Variants in C7orf57 observed in about 807,000 individuals in gnomAD.
C7orf57 encodes chromosome 7 open reading frame 57, also known as uncharacterized protein C7orf57.
C7orf57 carries 33 observed loss-of-function variants against 39.0 expected under a neutral mutation model. The ratio of observed to expected loss-of-function variants is 0.85; its 90% CI spans 0.64 to 1.13. The LOEUF (loss-of-function observed/expected upper bound fraction) is 1.13. C7orf57 is among the 50% of genes most tolerant of loss of function. The pLI, the probability that C7orf57 is intolerant of heterozygous loss-of-function variation, is 0.00. For missense variants in C7orf57, 346 were observed against 362.3 expected (o/e 0.95, Z 0.37); for synonymous variants, 124 against 137.1 (o/e 0.90, Z 0.67).
At chr7:48,043,403 G>A (rs753179607) in intron 3 of C7orf57, 78 bp from the exon 4 acceptor site, 79 of 1,068,716 alleles carry the variant, frequency 7.4e-5, no homozygotes, top group Non-Finnish European at 1.0e-4. Context: ...CTTGTAAATT[G>A]AGCCTATCAC....
chr7:48,036,713 A>G (rs1790377729), intron 2 of C7orf57, among the ~76,000 whole-genome samples: 1 of 152,128 alleles, frequency 6.6e-6, no homozygotes, highest in Non-Finnish European at 1.5e-5. Flanking sequence ...CTGAATGTTG[A>G]CCTGGGAAGT....
At chr7:48,048,229 C>T (rs937369611) in intron 5 of C7orf57, among the ~76,000 whole-genome samples, 10 of 152,282 alleles carry the variant, frequency 6.6e-5, no homozygotes, top group East Asian at 1.9e-4. Flanking sequence ...AGCACCGCAT[C>T]GGGATGGGCT....
chr7:48,055,847 T>G (rs950104973), intron 8 of C7orf57, among the ~76,000 whole-genome samples: 1 of 152,200 alleles, frequency 6.6e-6, no homozygotes, highest in African/African-American at 2.4e-5. Flanking sequence ...ATACCACATT[T>G]TTTTTCCTTA....
intron 5 of C7orf57, among the ~76,000 whole-genome samples, chr7:48,048,120 G>A (rs1790769265): frequency 6.6e-6 from 1 of 152,202 alleles, no homozygotes; most frequent in East Asian, 1.9e-4. Flanking sequence ...CCTTCACTAT[G>A]GGGAAGGAGA....
intron 7 of C7orf57, among the ~76,000 whole-genome samples, chr7:48,053,946 G>A (rs1472205871): frequency 1.3e-5 from 2 of 152,206 alleles, no homozygotes; most frequent in Non-Finnish European, 2.9e-5. Context: ...TACCTCTTCA[G>A]ACATTTGAAG....
At chr7:48,057,144 A>G (rs1036120156) in intron 8 of C7orf57, among the ~76,000 whole-genome samples, 1 of 138,826 alleles carries the variant, frequency 7.2e-6, no homozygotes, top group Non-Finnish European at 1.6e-5. Flanking sequence ...TCTAGGATTT[A>G]TTTTCTATTT....
chr7:48,038,168 T>C (rs1790439327), intron 2 of C7orf57, among the ~76,000 whole-genome samples: 1 of 152,226 alleles, frequency 6.6e-6, no homozygotes, highest in Admixed American at 6.5e-5. Flanking sequence ...CTATTTAATG[T>C]CTTTTACATA....
chr7:48,037,821 G>A (rs2128789505), intron 2 of C7orf57, among the ~76,000 whole-genome samples: 1 of 151,630 alleles, frequency 6.6e-6, no homozygotes, highest in East Asian at 1.9e-4. Context: ...ACTGATCCAG[G>A]CCCTCATTCT....
chr7:48,058,267 T>G (rs1193583902), intron 8 of C7orf57, among the ~76,000 whole-genome samples: 7 of 152,126 alleles, frequency 4.6e-5, no homozygotes, highest in Admixed American at 3.3e-4. Context: ...TTGAGAAGGG[T>G]TAGTATGATT....
At position 48,043,516 on chromosome 7, in the gene C7orf57, G is replaced by T. The variant is rs1790613627; in HGVS notation, c.277G>T (p.Gly93Cys). The change falls in exon 4 of 9, where the codon GGC becomes TGC. Residue 93 changes from glycine (G) to cysteine (C), a missense_variant. Physicochemically the swap from Gly to Cys is radical, Grantham distance 159. Transcript: ENST00000348904. Reference sequence around the variant, plus strand: ...GCACTTTGCCCCTGGAACCAGGAAAGGCTCTCCAGTGGCCTACTCCCTGCC... The same window carrying T: ...GCACTTTGCCCCTGGAACCAGGAAATGCTCTCCAGTGGCCTACTCCCTGCC... ...LKHFAPGTRK[G>C]SPVAYSLPDW... 1.9e-6 allele frequency: 3 copies of T among 1,613,780 alleles called. No individual in the cohort carries two copies. The highest frequency in any genetic ancestry group is 2.5e-6 in the Non-Finnish European group (3 of 1,179,838).
intron 2 of C7orf57, 47 bp from the exon 3 acceptor site, chr7:48,041,286 AC>A (rs1790538631): frequency 6.5e-7 from 1 of 1,546,520 alleles, no homozygotes; most frequent in Non-Finnish European, 8.8e-7. Flanking sequence ...CCTAGAGGCC[AC>A]CCCGACACAC....
chr7:48,036,269 G>C lies in C7orf57; in HGVS notation c.-40G>C, dbSNP rs201858531. The C allele has an allele frequency of 1.3e-5, 21 of 1,557,884 alleles. No homozygotes were observed. The South Asian group carries it at 2.1e-4, about 16-fold the overall frequency. On this transcript the variant is annotated 5_prime_UTR_variant, in exon 2 of 9. Coordinates refer to ENST00000348904, the MANE Select transcript of C7orf57 (RefSeq NM_001100159.3). ...CAGCGCACCCGCGAACACCAGGTCCGGCAGCATCTGTCTTTTCCCGCAGCG... is the reference window on the plus strand; with the variant it reads ...CAGCGCACCCGCGAACACCAGGTCCCGCAGCATCTGTCTTTTCCCGCAGCG...
rs1269894777 is a variant in C7orf57, at chr7:48,060,225, G to A, written c.842-1G>A. 10 of 1,529,024 alleles carry A rather than the reference G, an allele frequency of 6.5e-6. No homozygotes were observed. The South Asian group carries it at 7.5e-5, about 12-fold the overall frequency. The allele number at this position is 1,529,024 out of a possible 1,614,324, so 94.7% of individuals were successfully genotyped here. A position where few individuals can be genotyped will look rare whatever the true frequency, so the allele number is the denominator to read the frequency against. Reference sequence around the variant, plus strand: ...ACTCATTTATTTACTTTGTGTTGCAGGCCCAGAAGAATCTGTATCTGCATC... The same window carrying A: ...ACTCATTTATTTACTTTGTGTTGCAAGCCCAGAAGAATCTGTATCTGCATC... On this transcript the variant is annotated splice_acceptor_variant, in intron 8 of 8. Transcript: ENST00000348904. LOFTEE classifies it high-confidence loss of function.
At position 48,051,760 on chromosome 7, in the gene C7orf57, TTC is replaced by T. The variant is rs1209934551; in HGVS notation, c.606-938_606-937del. Among the ~76,000 whole-genome samples, 6 of 33,202 alleles carry T rather than the reference TTC, an allele frequency of 1.8e-4. 1 individual carries two copies. The highest frequency in any genetic ancestry group is 5.1e-4 in the East Asian group (1 of 1,960). The allele number at this position is 33,202 out of a possible 152,430, so 21.8% of individuals were successfully genotyped here. A position where few individuals can be genotyped will look rare whatever the true frequency, so the allele number is the denominator to read the frequency against. On this transcript the variant is annotated intron_variant, in intron 6 of 8. Transcript: ENST00000348904. ...TTTTCTTTCTTTTTCTTTTCTTTCT[TTC>T]TTTCTTTCTTTCTTTCTTTCTTTCT...
intron 5 of C7orf57, among the ~76,000 whole-genome samples, chr7:48,048,200 G>A (rs1191695554): frequency 1.3e-5 from 2 of 152,154 alleles, no homozygotes; most frequent in African/African-American, 2.4e-5. Flanking sequence ...ACATGGTGTC[G>A]GGTAAGGTGC....
At chr7:48,050,799 A>T (rs989099549) in intron 6 of C7orf57, among the ~76,000 whole-genome samples, 1 of 152,178 alleles carries the variant, frequency 6.6e-6, no homozygotes, top group African/African-American at 2.4e-5. Flanking sequence ...CCTCCCAAGT[A>T]GCTGGGGCTA....
At position 48,051,869 on chromosome 7, in the gene C7orf57, TTC is replaced by T. The variant is rs1295265679; in HGVS notation, c.606-827_606-826del. On this transcript the variant is annotated intron_variant, in intron 6 of 8. Coordinates refer to ENST00000348904, the MANE Select transcript of C7orf57 (RefSeq NM_001100159.3). Reference sequence around the variant, plus strand: ...TTTCTTTCTTTCTTTCTTTCTTTCTTTCTCTTTCTCTTTCTTTCTTTCCTTCC... The same window carrying T: ...TTTCTTTCTTTCTTTCTTTCTTTCTTTCTTTCTCTTTCTTTCTTTCCTTCC... Among the ~76,000 whole-genome samples the T allele has an allele frequency of 1.0e-3, 73 of 70,762 alleles. 2 individuals are homozygous for T. Among genetic ancestry groups the T allele is most frequent in the Non-Finnish European group, 1.5e-3 (54 of 36,584 alleles). 46.4% of individuals were successfully genotyped at this position (70,762 alleles called of 152,430 possible).
chr7:48,051,729 TTTTTCTTTTC>T lies in C7orf57; in HGVS notation c.606-967_606-958del, dbSNP rs745518109. ...TCTCTCTCTCCTTTCTTTCTTTCTC[TTTTTCTTTTC>T]TTTCTTTTTCTTTTCTTTCTTTCTT... is the stretch of plus-strand genomic sequence containing the variant. On this transcript the variant is annotated intron_variant, in intron 6 of 8. Coordinates refer to ENST00000348904, the MANE Select transcript of C7orf57 (RefSeq NM_001100159.3). Among the ~76,000 whole-genome samples the T allele has an allele frequency of 3.1e-4, 27 of 86,966 alleles. 2 individuals are homozygous for T. Among genetic ancestry groups the T allele is most frequent in the East Asian group, 8.6e-4 (3 of 3,506 alleles). The allele number at this position is 86,966 out of a possible 152,430, so 57.1% of individuals were successfully genotyped here. A position where few individuals can be genotyped will look rare whatever the true frequency, so the allele number is the denominator to read the frequency against.
intron 5 of C7orf57, 115 bp from the exon 6 acceptor site, chr7:48,049,765 C>T: frequency 1.4e-6 from 1 of 692,032 alleles, no homozygotes; most frequent in Non-Finnish European, 2.6e-6. Context: ...TTTACAATGA[C>T]CACATTGAAA....
Sources: gnomAD v4.1 joint callset for allele counts (sites outside exome capture counted in the v4.1 genomes callset) on GRCh38, gnomAD v4.1.1 for gene constraint, MANE v1.5 for transcripts, NCBI Gene and HGNC (gene_info 2026-07-23, HGNC 2026-07-21) for gene names.